GRID2: variants seen among roughly 807,000 people sequenced by gnomAD.
GRID2 encodes glutamate receptor ionotropic, delta-2.
GRID2 carries 33 observed loss-of-function variants against 114.8 expected under a neutral mutation model. The observed-to-expected ratio is 0.29, with a 90% CI of 0.22 to 0.38. The LOEUF is 0.38. Ranked by LOEUF, GRID2 falls within the 10% of genes least tolerant of loss-of-function variation. The pLI, the probability that GRID2 is intolerant of heterozygous loss-of-function variation, is 1.00. For missense variants in GRID2, 1,184 were observed against 1,257.7 expected (o/e 0.94, Z 0.89); for synonymous variants, 505 against 449.9 (o/e 1.12, Z -1.55).
chr4:92,540,161 A>T (rs1043987736), intron 1 of GRID2, among the ~76,000 whole-genome samples: 3 of 152,212 alleles, frequency 2.0e-5, no homozygotes, highest in Non-Finnish European at 4.4e-5. Flanking sequence ...TGGATTAAAG[A>T]CTTCAATGTT....
At chr4:92,889,848 ACTAT>A (rs1227537305) in intron 2 of GRID2, among the ~76,000 whole-genome samples, 3 of 152,172 alleles carry the variant, frequency 2.0e-5, no homozygotes, top group African/African-American at 4.8e-5. Flanking sequence ...GAGGCATTGC[ACTAT>A]CTAACTTCAA....
In GRID2 at chr4:92,504,373, A is replaced by G. The variant is rs540340471; in HGVS notation, c.89-85758A>G. Among the ~76,000 whole-genome samples, 132 of 152,128 alleles carry G rather than the reference A, an allele frequency of 8.7e-4. 1 individual carries two copies. The highest frequency in any genetic ancestry group is 3.0e-3 in the African/African-American group (124 of 41,530). ...ACATGTCAGGACTGTGTGCTACCTA[A>G]GCAAGTTGGAAAATAGGATTCAGGG... On this transcript the variant is annotated intron_variant, in intron 1 of 15. Coordinates refer to ENST00000282020, the MANE Select transcript of GRID2 (RefSeq NM_001510.4).
intron 8 of GRID2, among the ~76,000 whole-genome samples, chr4:93,313,338 A>G (rs1400527922): frequency 6.6e-6 from 1 of 152,200 alleles, no homozygotes; most frequent in East Asian, 1.9e-4. Flanking sequence ...CTGCAGAGGA[A>G]TGACTTGAAG....
chr4:92,591,692 C>T (rs115002582), intron 2 of GRID2, among the ~76,000 whole-genome samples: 1 of 151,986 alleles, frequency 6.6e-6, no homozygotes, highest in African/African-American at 2.4e-5. Flanking sequence ...CAATCAATAG[C>T]ACTGGCTACT....
chr4:93,036,564 T>G (rs187493098), intron 2 of GRID2, among the ~76,000 whole-genome samples: 13 of 152,284 alleles, frequency 8.5e-5, no homozygotes, highest in Non-Finnish European at 1.5e-4. Flanking sequence ...TTGCTTTCCT[T>G]TATTATTTTT....
At chr4:93,233,232 A>T (rs1248294908) in intron 7 of GRID2, among the ~76,000 whole-genome samples, 2 of 152,164 alleles carry the variant, frequency 1.3e-5, no homozygotes, top group African/African-American at 4.8e-5. Flanking sequence ...TAATTAGCTA[A>T]AAGGGGGAAA....
At chr4:92,481,116 A>G (rs760291273) in intron 1 of GRID2, among the ~76,000 whole-genome samples, 1 of 152,188 alleles carries the variant, frequency 6.6e-6, no homozygotes, top group Non-Finnish European at 1.5e-5. Context: ...TGACGTAAAC[A>G]TGGTAAGCCA....
intron 1 of GRID2, among the ~76,000 whole-genome samples, chr4:92,530,118 C>T (rs900369737): frequency 6.6e-6 from 1 of 151,310 alleles, no homozygotes; most frequent in African/African-American, 2.4e-5. Flanking sequence ...TGATTTTATG[C>T]AGGGAAAGTT....
Position 92,817,343 on chromosome 4 carries a change from T to C in GRID2, c.244+227057T>C, listed in dbSNP as rs1455801739. 4.6e-5 allele frequency among the ~76,000 whole-genome samples: 7 copies of C among 152,234 alleles called. No individual in the cohort carries two copies. The East Asian group carries it at 1.4e-3, about 29-fold the overall frequency. ...ATAATTGGATCATATTATTCCTCTCTACAAAACTTTTAATACCATTCTCTC... is the reference window on the plus strand; with the variant it reads ...ATAATTGGATCATATTATTCCTCTCCACAAAACTTTTAATACCATTCTCTC... On this transcript the variant is annotated intron_variant, in intron 2 of 15. Coordinates refer to ENST00000282020, the MANE Select transcript of GRID2 (RefSeq NM_001510.4).
chr4:92,883,783 T>C (rs1746181077), intron 2 of GRID2, among the ~76,000 whole-genome samples: 1 of 152,204 alleles, frequency 6.6e-6, no homozygotes, highest in African/African-American at 2.4e-5. Context: ...TTTAAAATAT[T>C]CAGTAAACCA....
At chr4:93,386,444 TAGG>T (rs1393127415) in intron 8 of GRID2, among the ~76,000 whole-genome samples, 1 of 152,098 alleles carries the variant, frequency 6.6e-6, no homozygotes, top group Non-Finnish European at 1.5e-5. Context: ...CATTATTAAA[TAGG>T]AGATGTTAAG....
intron 8 of GRID2, among the ~76,000 whole-genome samples, chr4:93,392,649 G>T (rs1031896425): frequency 4.6e-5 from 7 of 152,052 alleles, no homozygotes; most frequent in Non-Finnish European, 8.8e-5. Flanking sequence ...CATTTTGGGA[G>T]GCTGAGGTGG....
chr4:92,310,876 C>T (rs1175319568), intron 1 of GRID2, among the ~76,000 whole-genome samples: 1 of 151,666 alleles, frequency 6.6e-6, no homozygotes, highest in Non-Finnish European at 1.5e-5. Flanking sequence ...GAGTGACCTT[C>T]AAAAAAGGAA....
chr4:93,431,139 T>C (rs1769368015), intron 10 of GRID2, among the ~76,000 whole-genome samples: 1 of 152,098 alleles, frequency 6.6e-6, no homozygotes, highest in Non-Finnish European at 1.5e-5. Context: ...TACAAATACA[T>C]AAAAGGGTGG....
At chr4:92,615,453 T>G (rs2149233115) in intron 2 of GRID2, among the ~76,000 whole-genome samples, 1 of 151,734 alleles carries the variant, frequency 6.6e-6, no homozygotes, top group Non-Finnish European at 1.5e-5. Context: ...CACTAATTCT[T>G]TTATGGTTAC....
At chr4:93,181,896 T>G (rs959454474) in intron 4 of GRID2, among the ~76,000 whole-genome samples, 4 of 152,194 alleles carry the variant, frequency 2.6e-5, no homozygotes, top group African/African-American at 9.6e-5. Flanking sequence ...CCCTAGTTTA[T>G]CTTAATAAAA....
chr4:93,546,773 G>A (rs1171066300), intron 13 of GRID2, among the ~76,000 whole-genome samples: 1 of 152,086 alleles, frequency 6.6e-6, no homozygotes, highest in African/African-American at 2.4e-5. Flanking sequence ...ACTCTTAGAG[G>A]ACCATGTTGA....
At chr4:93,575,887 G>A (rs950463533) in intron 13 of GRID2, among the ~76,000 whole-genome samples, 4 of 152,230 alleles carry the variant, frequency 2.6e-5, no homozygotes, top group Non-Finnish European at 4.4e-5. Context: ...TCACAAGTTA[G>A]TGAAGGCCTT....
chr4:92,604,324 G>A (rs2149222029), intron 2 of GRID2, among the ~76,000 whole-genome samples: 1 of 152,260 alleles, frequency 6.6e-6, no homozygotes. Context: ...TAAAGAAAAT[G>A]TGGTACATAT....
Sources: gnomAD v4.1 joint callset for allele counts (sites outside exome capture counted in the v4.1 genomes callset) on GRCh38, gnomAD v4.1.1 for gene constraint, MANE v1.5 for transcripts, NCBI Gene and HGNC (gene_info 2026-07-23, HGNC 2026-07-21) for gene names.